DRC5: variants seen among roughly 807,000 people sequenced by gnomAD.
DRC5 encodes the protein T-complex-associated testis-expressed protein 1.
the DRC5 span, among the ~76,000 whole-genome samples, chr6:44,292,071 T>C: frequency 2.0e-5 from 3 of 152,212 alleles, no homozygotes; most frequent in Admixed American, 6.5e-5. Context: ...CTCTCACATC[T>C]AGCCTTCACA....
the DRC5 span, among the ~76,000 whole-genome samples, chr6:44,293,253 C>T: frequency 1.7e-4 from 26 of 149,752 alleles, no homozygotes; most frequent in Non-Finnish European, 1.3e-4. Context: ...TTACAACTGT[C>T]CAGCACTTAA....
chr6:44,286,594 C>A, the DRC5 span: 2 of 1,471,602 alleles, frequency 1.4e-6, no homozygotes, highest in South Asian at 2.6e-5. Flanking sequence ...CAACATGATG[C>A]CTCAGGCTGG....
the DRC5 span, chr6:44,280,169 A>C: frequency 6.2e-7 from 1 of 1,611,248 alleles, no homozygotes; most frequent in Admixed American, 1.7e-5. Context: ...CCATGATCCA[A>C]GTCAGGTCAT....
chr6:44,287,481 G>T, the DRC5 span: 1 of 1,505,462 alleles, frequency 6.6e-7, no homozygotes, highest in Non-Finnish European at 9.0e-7. Flanking sequence ...CTTGGCTCCG[G>T]ACAGTCCCCA....
At chr6:44,283,644 ACT>A in the DRC5 span, among the ~76,000 whole-genome samples, 1 of 151,850 alleles carries the variant, frequency 6.6e-6, no homozygotes, top group Non-Finnish European at 1.5e-5. Flanking sequence ...GATCAGCCCC[ACT>A]CTCTATTTTC....
At chr6:44,290,048 T>C in the DRC5 span, among the ~76,000 whole-genome samples, 1 of 152,142 alleles carries the variant, frequency 6.6e-6, no homozygotes, top group Admixed American at 6.5e-5. Context: ...AGAGAGATAG[T>C]GCGGGAAAGA....
the DRC5 span, chr6:44,280,277 G>A: frequency 6.2e-7 from 1 of 1,614,250 alleles, no homozygotes; most frequent in Non-Finnish European, 8.5e-7. Context: ...GGTTTGCGTA[G>A]AGGGCCTGGC....
chr6:44,296,933 CTCGGCCCGTGTGCT>C, the DRC5 span, among the ~76,000 whole-genome samples: 2 of 141,752 alleles, frequency 1.4e-5, no homozygotes, highest in African/African-American at 2.6e-5. Context: ...CCAACTGAGC[CTCGGCCCGTGTGCT>C]TGGACTTGGG....
At chr6:44,287,993 G>C in the DRC5 span, 1 of 803,566 alleles carries the variant, frequency 1.2e-6, no homozygotes, top group African/African-American at 1.7e-5. Flanking sequence ...AGGTGGTACA[G>C]AATAGTGCTT....
chr6:44,295,281 C>T, the DRC5 span, among the ~76,000 whole-genome samples: 3 of 152,284 alleles, frequency 2.0e-5, no homozygotes, highest in South Asian at 2.1e-4. Context: ...GGATGTGCTG[C>T]GCTCTCAGAG....
At chr6:44,297,018 A>G in the DRC5 span, among the ~76,000 whole-genome samples, 1 of 6,348 alleles carries the variant, frequency 1.6e-4, no homozygotes, top group Non-Finnish European at 1.2e-3. Flanking sequence ...CCAACTCCTG[A>G]CCACTCAGGT....
At chr6:44,289,054 T>A in the DRC5 span, among the ~76,000 whole-genome samples, 2 of 144,852 alleles carry the variant, frequency 1.4e-5, no homozygotes, top group Admixed American at 1.4e-4. Flanking sequence ...TTTTTTTTTT[T>A]TTTTTTTTGT....
At chr6:44,282,943 C>T in the DRC5 span, among the ~76,000 whole-genome samples, 2 of 151,648 alleles carry the variant, frequency 1.3e-5, no homozygotes, top group Admixed American at 6.6e-5. Flanking sequence ...GCTGAGACTA[C>T]AAGTGCCCGC....
the DRC5 span, among the ~76,000 whole-genome samples, chr6:44,284,991 C>T: frequency 6.6e-6 from 1 of 152,230 alleles, no homozygotes; most frequent in South Asian, 2.1e-4. Context: ...AAGATAGCCT[C>T]CTGGACAAAG....
the DRC5 span, chr6:44,287,510 T>C: frequency 6.4e-7 from 1 of 1,570,452 alleles, no homozygotes; most frequent in Admixed American, 1.7e-5. Context: ...GCCCCCCTCT[T>C]GGCCTTCTCC....
chr6:44,287,617 T>A, the DRC5 span: 7 of 1,614,156 alleles, frequency 4.3e-6, no homozygotes, highest in Admixed American at 1.7e-5. Context: ...CAGTGACCAC[T>A]CAGGATCCTC....
At chr6:44,290,807 G>C in the DRC5 span, among the ~76,000 whole-genome samples, 1 of 152,124 alleles carries the variant, frequency 6.6e-6, no homozygotes, top group Non-Finnish European at 1.5e-5. Flanking sequence ...GCACCATCCA[G>C]CTTCACCATA....
At chr6:44,287,829 G>A in the DRC5 span, 2 of 1,611,760 alleles carry the variant, frequency 1.2e-6, no homozygotes, top group Non-Finnish European at 1.7e-6. Flanking sequence ...CCTGCATGCT[G>A]GAGGCTGGCA....
At chr6:44,296,171 T>C in the DRC5 span, among the ~76,000 whole-genome samples, 1 of 152,342 alleles carries the variant, frequency 6.6e-6, no homozygotes, top group African/African-American at 2.4e-5. Context: ...ATGCTCTTAC[T>C]TCCATGAGAT....
Sources: gnomAD v4.1 joint callset for allele counts (sites outside exome capture counted in the v4.1 genomes callset) on GRCh38, gnomAD v4.1.1 for gene constraint, MANE v1.5 for transcripts, NCBI Gene and HGNC (gene_info 2026-07-23, HGNC 2026-07-21) for gene names.